The following PRELID2 variants were observed in gnomAD, a reference collection of about 807,000 sequenced individuals.
PRELID2 encodes the protein PRELI domain-containing protein 2.
PRELID2 carries 25 observed loss-of-function variants against 28.4 expected under a neutral mutation model. The observed-to-expected ratio is 0.88, with a 90% CI of 0.64 to 1.23. PRELID2 has a LOEUF of 1.23. Ranked by LOEUF, PRELID2 falls within the 50% of genes most tolerant of loss-of-function variation. The pLI is 0.00. For synonymous variants in PRELID2, 76 were observed against 71.6 expected (o/e 1.06, Z -0.31); for missense variants, 201 against 214.4 (o/e 0.94, Z 0.39).
chr5:145,742,328 AT>A (rs553094695), intron 1 of PRELID2, among the ~76,000 whole-genome samples: 5 of 137,728 alleles, frequency 3.6e-5, no homozygotes, highest in African/African-American at 5.3e-5. Context: ...AAATAGATAT[AT>A]TTTTTTTTTC....
Position 145,654,103 on chromosome 5 carries a change from A to C in PRELID2, n.70+110828T>G, listed in dbSNP as rs570303972. Among the ~76,000 whole-genome samples the C allele has an allele frequency of 2.8e-4, 42 of 152,334 alleles. No individual in the cohort carries two copies. In the East Asian group the frequency reaches 7.5e-3, roughly 27 times the overall value. On this transcript the variant is annotated intron_variant and non_coding_transcript_variant, in intron 1 of 2. Transcript: ENST00000510259. The stretch of plus-strand genomic sequence containing the variant: ...TCCCACAGAAATACAAACTACCATC[A>C]GAGAATACTATAAACACCTCTACGC...
Position 145,609,986 on chromosome 5 carries a change from G to T in PRELID2, n.71-136671C>A, listed in dbSNP as rs140831211. On this transcript the variant is annotated intron_variant and non_coding_transcript_variant, in intron 1 of 2. Coordinates refer to the PRELID2 transcript ENST00000510259. Reference sequence around the variant, plus strand: ...CTGCAGCCTCTATTAGGGCTATGGTGCTGGTGCTGGTCTGCTCCAGATCCC... The same window carrying T: ...CTGCAGCCTCTATTAGGGCTATGGTTCTGGTGCTGGTCTGCTCCAGATCCC... Among the ~76,000 whole-genome samples, 319 of 152,336 alleles carry T rather than the reference G, an allele frequency of 2.1e-3. 2 individuals are homozygous for T. Among genetic ancestry groups the T allele is most frequent in the African/African-American group, 7.4e-3 (308 of 41,578 alleles).
At chr5:145,497,716 T>C (rs541356193) in intron 1 of PRELID2, among the ~76,000 whole-genome samples, 3 of 152,282 alleles carry the variant, frequency 2.0e-5, no homozygotes, top group East Asian at 1.9e-4. Flanking sequence ...CCAGGAGCCA[T>C]TGGAACAACA....
the PRELID2 span, among the ~76,000 whole-genome samples, chr5:145,311,973 CTG>C: frequency 1.3e-5 from 2 of 152,190 alleles, no homozygotes; most frequent in East Asian, 1.9e-4. Flanking sequence ...TATGTATACA[CTG>C]TGAAATGATT....
chr5:145,691,041 T>A (rs769295097), intron 1 of PRELID2, among the ~76,000 whole-genome samples: 1 of 152,202 alleles, frequency 6.6e-6, no homozygotes, highest in Non-Finnish European at 1.5e-5. Flanking sequence ...ATGCACTGCA[T>A]GTGATGGTGT....
intron 1 of PRELID2, among the ~76,000 whole-genome samples, chr5:145,599,818 T>C (rs1299659265): frequency 1.3e-5 from 2 of 152,166 alleles, no homozygotes; most frequent in African/African-American, 2.4e-5. Context: ...TAGTTGTACA[T>C]CAGAATCACT....
chr5:145,631,278 C>T (rs1325359706), intron 1 of PRELID2, among the ~76,000 whole-genome samples: 2 of 152,174 alleles, frequency 1.3e-5, no homozygotes, highest in East Asian at 3.8e-4. Flanking sequence ...TTATTAGGTG[C>T]ACCAGTTGGC....
chr5:145,491,545 G>A (rs534343799), intron 1 of PRELID2, among the ~76,000 whole-genome samples: 1 of 152,082 alleles, frequency 6.6e-6, no homozygotes, highest in South Asian at 2.1e-4. Context: ...TATCATTTTT[G>A]TGGTAACACT....
the PRELID2 span, among the ~76,000 whole-genome samples, chr5:145,379,502 G>A: frequency 6.6e-6 from 1 of 152,152 alleles, no homozygotes; most frequent in African/African-American, 2.4e-5. Flanking sequence ...TCTGTGCCCA[G>A]CAAGCAAGAG....
the PRELID2 span, among the ~76,000 whole-genome samples, chr5:145,322,941 A>G: frequency 6.6e-6 from 1 of 152,132 alleles, no homozygotes; most frequent in African/African-American, 2.4e-5. Context: ...AGATCGCACC[A>G]CTGCACTCCA....
chr5:145,533,873 A>T (rs1364996150), intron 1 of PRELID2, among the ~76,000 whole-genome samples: 1 of 152,036 alleles, frequency 6.6e-6, no homozygotes, highest in Non-Finnish European at 1.5e-5. Flanking sequence ...AACTGATTGG[A>T]TGTTTCTCTT....
chr5:145,694,921 A>G (rs1177430891), intron 1 of PRELID2, among the ~76,000 whole-genome samples: 2 of 152,218 alleles, frequency 1.3e-5, no homozygotes, highest in Non-Finnish European at 2.9e-5. Flanking sequence ...CACTAACGCC[A>G]GAACTGATGA....
rs373162898 is a variant in PRELID2 at position 145,714,021 on chromosome 5, T to G, written n.70+50910A>C. On this transcript the variant is annotated intron_variant and non_coding_transcript_variant, in intron 1 of 2. Transcript: ENST00000510259. ...AAAAAGTCTATAGCAGACTAAGAAC[T>G]GGCTAACTCTAGAGCCAACATTTTA... 3.1e-3 allele frequency among the ~76,000 whole-genome samples: 476 copies of G among 152,060 alleles called. 1 individual carries two copies. The highest frequency in any genetic ancestry group is 0.011 in the African/African-American group (440 of 41,514).
At chr5:145,233,111 T>C in the PRELID2 span, among the ~76,000 whole-genome samples, 1 of 152,018 alleles carries the variant, frequency 6.6e-6, no homozygotes, top group South Asian at 2.1e-4. Flanking sequence ...GATTCTTATA[T>C]ATTACTAATT....
At chr5:145,292,691 T>C in the PRELID2 span, among the ~76,000 whole-genome samples, 2 of 152,126 alleles carry the variant, frequency 1.3e-5, no homozygotes, top group East Asian at 3.9e-4. Context: ...CTTAAAAATC[T>C]GTACTCATTT....
intron 1 of PRELID2, among the ~76,000 whole-genome samples, chr5:145,644,178 C>A (rs1334212281): frequency 6.6e-6 from 1 of 150,470 alleles, no homozygotes; most frequent in Non-Finnish European, 1.5e-5. Flanking sequence ...TTAATTACTG[C>A]CTCAATTTCA....
the PRELID2 span, among the ~76,000 whole-genome samples, chr5:145,252,220 G>A: frequency 1.3e-5 from 2 of 152,172 alleles, no homozygotes; most frequent in Admixed American, 6.5e-5. Context: ...GTTTTAACAA[G>A]CCTTCCTGTT....
chr5:145,666,111 G>T (rs960351347), intron 1 of PRELID2, among the ~76,000 whole-genome samples: 4 of 151,884 alleles, frequency 2.6e-5, no homozygotes, highest in African/African-American at 4.8e-5. Context: ...TTCACAGCTG[G>T]CTCCTTCCTC....
At chr5:145,299,297 A>T in the PRELID2 span, among the ~76,000 whole-genome samples, 1 of 152,038 alleles carries the variant, frequency 6.6e-6, no homozygotes, top group Non-Finnish European at 1.5e-5. Flanking sequence ...TAATTGTCTC[A>T]TAAATATCAT....
Sources: allele counts gnomAD v4.1 joint callset (sites outside exome capture counted in the v4.1 genomes callset), GRCh38; gene constraint gnomAD v4.1.1; transcripts MANE v1.5; gene names NCBI Gene and HGNC (gene_info 2026-07-23, HGNC 2026-07-21).